MAGI2: variants seen among roughly 807,000 people sequenced by gnomAD.
MAGI2 encodes membrane associated guanylate kinase, WW and PDZ domain containing 2.
MAGI2 carries 35 observed loss-of-function variants against 133.3 expected under a neutral mutation model. The observed-to-expected ratio is 0.26, with a 90% CI of 0.20 to 0.35. MAGI2 has a LOEUF of 0.35. MAGI2 is among the 10% of genes least tolerant of loss of function. The pLI, the probability that MAGI2 is intolerant of heterozygous loss-of-function variation, is 1.00. For missense variants in MAGI2, 1,636 were observed against 1,863.4 expected (o/e 0.88, Z 2.25); for synonymous variants, 729 against 710.6 (o/e 1.03, Z -0.41).
Position 78,717,996 on chromosome 7 carries a change from A to C in MAGI2, c.419-90757T>G, listed in dbSNP as rs10452968. ...TAATGATGGATCCTTTGTAAACTTT[A>C]CTTCTTGTCATTCTGCATTTTTTTC... On this transcript the variant is annotated intron_variant, in intron 2 of 21. Transcript: ENST00000354212. Among the ~76,000 whole-genome samples, 1,425 of 152,130 alleles carry C rather than the reference A, an allele frequency of 9.4e-3. 26 individuals carry two copies. The highest frequency in any genetic ancestry group is 0.033 in the African/African-American group (1,357 of 41,542).
At chr7:79,082,462 C>G (rs1816126595) in intron 1 of MAGI2, among the ~76,000 whole-genome samples, 1 of 152,014 alleles carries the variant, frequency 6.6e-6, no homozygotes, top group Admixed American at 6.6e-5. Flanking sequence ...CCCAGAACCA[C>G]TTGTTGAGAA....
intron 9 of MAGI2, among the ~76,000 whole-genome samples, chr7:78,298,292 G>A (rs1043107279): frequency 6.6e-6 from 1 of 152,062 alleles, no homozygotes; most frequent in Non-Finnish European, 1.5e-5. Flanking sequence ...AATGTAATGT[G>A]GTATCCTGGA....
intron 1 of MAGI2, among the ~76,000 whole-genome samples, chr7:79,405,921 CA>C (rs34025242): frequency 0.057 from 6,114 of 107,254 alleles, 109 homozygotes; most frequent in East Asian, 0.098. Flanking sequence ...AACCACAACA[CA>C]AAAAAAAAAA....
chr7:78,451,808 A>T (rs1022833299), intron 6 of MAGI2, among the ~76,000 whole-genome samples: 4 of 152,078 alleles, frequency 2.6e-5, no homozygotes, highest in African/African-American at 9.7e-5. Flanking sequence ...TTGATACACA[A>T]ATATATGTTG....
chr7:78,883,032 A>C (rs999076173), intron 2 of MAGI2, among the ~76,000 whole-genome samples: 1 of 152,156 alleles, frequency 6.6e-6, no homozygotes, highest in Non-Finnish European at 1.5e-5. Flanking sequence ...AAAGAAATAA[A>C]AGCCATCAAA....
chr7:78,371,058 G>C (rs1209577381), intron 6 of MAGI2, among the ~76,000 whole-genome samples: 1 of 151,776 alleles, frequency 6.6e-6, no homozygotes, highest in Admixed American at 6.6e-5. Flanking sequence ...CTGTACTCTG[G>C]TTCCAGTAAA....
chr7:78,180,924 ATTTTTTTTTTTTTT>A (rs371615787), intron 13 of MAGI2, among the ~76,000 whole-genome samples: 3 of 108,022 alleles, frequency 2.8e-5, no homozygotes, highest in Admixed American at 9.4e-5. Flanking sequence ...AGGCAGCAGT[ATTTTTTTTTTTTTT>A]TTTTTTTTTT....
chr7:78,399,804 C>CAAA (rs3061269), intron 6 of MAGI2, among the ~76,000 whole-genome samples: 1,007 of 69,496 alleles, frequency 0.014, 34 homozygotes, highest in South Asian at 0.03. Flanking sequence ...GACTTTGTAT[C>CAAA]AAAAAAAAAA....
At chr7:78,597,303 ACTT>A (rs1804712209) in intron 3 of MAGI2, among the ~76,000 whole-genome samples, 1 of 151,734 alleles carries the variant, frequency 6.6e-6, no homozygotes, top group South Asian at 2.1e-4. Context: ...TATAACGTAT[ACTT>A]CTCAGCATAC....
chr7:78,121,605 G>A (rs1820485410), intron 20 of MAGI2, among the ~76,000 whole-genome samples: 1 of 152,218 alleles, frequency 6.6e-6, no homozygotes, highest in South Asian at 2.1e-4. Flanking sequence ...TTGTGAGTGT[G>A]TGTAGTAAGA....
chr7:78,221,362 T>TA (rs2150839644), intron 10 of MAGI2, among the ~76,000 whole-genome samples: 1 of 152,324 alleles, frequency 6.6e-6, no homozygotes, highest in Admixed American at 6.5e-5. Context: ...TCTTTCTCAC[T>TA]ATGTGAAAAC....
intron 3 of MAGI2, among the ~76,000 whole-genome samples, chr7:78,540,150 T>TTTATGTC (rs1296021157): frequency 3.3e-5 from 5 of 152,114 alleles, no homozygotes; most frequent in African/African-American, 1.2e-4. Flanking sequence ...CACCCAAAAG[T>TTTATGTC]TTATGTCTTT....
At chr7:78,508,887 TC>T (rs1795328783) in intron 4 of MAGI2, among the ~76,000 whole-genome samples, 1 of 129,088 alleles carries the variant, frequency 7.7e-6, no homozygotes. Flanking sequence ...TGAAAAATAG[TC>T]TTTTTTTTTT....
chr7:78,531,071 C>T (rs1161513116), intron 3 of MAGI2, among the ~76,000 whole-genome samples: 1 of 151,986 alleles, frequency 6.6e-6, no homozygotes, highest in Non-Finnish European at 1.5e-5. Context: ...GGAACTCAAG[C>T]AAAATGCAGA....
chr7:78,945,795 T>C (rs1027969395), intron 2 of MAGI2, among the ~76,000 whole-genome samples: 1 of 152,208 alleles, frequency 6.6e-6, no homozygotes, highest in Non-Finnish European at 1.5e-5. Context: ...TCACACAGGA[T>C]ACCTACTCCT....
chr7:78,381,273 G>C (rs535083997), intron 6 of MAGI2, among the ~76,000 whole-genome samples: 54 of 152,190 alleles, frequency 3.5e-4, no homozygotes, highest in South Asian at 1.2e-3. Context: ...CTTTAACTCA[G>C]GAAGGAGAAA....
chr7:78,231,840 T>C (rs922796259), intron 10 of MAGI2, among the ~76,000 whole-genome samples: 1 of 152,202 alleles, frequency 6.6e-6, no homozygotes, highest in Non-Finnish European at 1.5e-5. Context: ...AGTCCAGTCG[T>C]TGACTGAATA....
rs59531463 is a variant in MAGI2 at position 78,061,409 on chromosome 7, TACACACACACACACACACACAC to T, written c.3706+17516_3706+17537del. On this transcript the variant is annotated intron_variant, in intron 21 of 21. Transcript: ENST00000354212. ...TATGCTCACATCTGGGGACTGGTTG[TACACACACACACACACACACAC>T]ACACACACACACACACACACACACA... Among the ~76,000 whole-genome samples the T allele has an allele frequency of 8.8e-4, 123 of 139,786 alleles. 2 individuals are homozygous for T. The East Asian group carries it at 0.018, about 21-fold the overall frequency. The allele number at this position is 139,786 out of a possible 152,430, so 91.7% of individuals were successfully genotyped here. A position where few individuals can be genotyped will look rare whatever the true frequency, so the allele number is the denominator to read the frequency against.
At position 78,256,180 on chromosome 7, in the gene MAGI2, T is replaced by A; in HGVS notation, c.1810A>T (p.Met604Leu). 5.0e-6 allele frequency: 8 copies of A among 1,614,024 alleles called. No homozygotes were observed. Among genetic ancestry groups the A allele is most frequent in the Non-Finnish European group, 6.8e-6 (8 of 1,179,998 alleles). The change falls in exon 10 of 22, where the codon ATG becomes TTG. Residue 604 changes from methionine (M) to leucine (L), a missense_variant. Coordinates refer to ENST00000354212, the MANE Select transcript of MAGI2 (RefSeq NM_012301.4). ...ASSGATQAEL[M>L]TLTIVKGAQG... ...GCACCTTTCACAATGGTTAAGGTCA[T>A]AAGTTCAGCTTGGGTGGCCCCAGAT... is the stretch of plus-strand genomic sequence containing the variant.
Sources: allele counts gnomAD v4.1 joint callset (sites outside exome capture counted in the v4.1 genomes callset), GRCh38; gene constraint gnomAD v4.1.1; transcripts MANE v1.5; gene names NCBI Gene and HGNC (gene_info 2026-07-23, HGNC 2026-07-21).